UGT2A1: variants seen among roughly 807,000 people sequenced by gnomAD.
The protein encoded by UGT2A1 is UDP-glucuronosyltransferase 2A1.
A neutral mutation model predicts 45.4 loss-of-function variants in UGT2A1; 61 were observed. The observed-to-expected ratio is 1.34, with a 90% CI of 1.09 to 1.66. UGT2A1 has a LOEUF of 1.66. UGT2A1 is among the 40% of genes most tolerant of loss of function. The probability of loss-of-function intolerance (pLI) is 0.00; values close to 1 mark genes in which losing one functional copy is unlikely to be tolerated. For missense variants in UGT2A1, 649 were observed against 574.3 expected (o/e 1.13, Z -1.33); for synonymous variants, 229 against 196.2 (o/e 1.17, Z -1.40).
rs756887952 is a variant in UGT2A1 at position 69,647,556 on chromosome 4, C to T, written c.89G>A (p.Gly30Asp). ...TATCTTAACATTTAGCCAATGACTA[C>T]CTTCCATTGGCCAAATCAAAACATT... ...GGNVLIWPME[G>D]SHWLNVKIII... Residue 30 changes from glycine to aspartate, a missense_variant, in exon 2 of 7, where the codon GGT becomes GAT. Transcript: ENST00000286604. 8 of 1,612,230 alleles carry T rather than the reference C, an allele frequency of 5.0e-6. No homozygotes were observed. The highest frequency in any genetic ancestry group is 6.8e-6 in the Non-Finnish European group (8 of 1,179,072).
intron 2 of UGT2A1, among the ~76,000 whole-genome samples, chr4:69,636,993 A>G (rs965875607): frequency 2.6e-5 from 4 of 152,136 alleles, no homozygotes; most frequent in African/African-American, 9.7e-5. Context: ...TAAGGTGTAT[A>G]GATTGTTAAC....
At chr4:69,624,449 C>T (rs1163619567) in intron 3 of UGT2A1, among the ~76,000 whole-genome samples, 1 of 151,298 alleles carries the variant, frequency 6.6e-6, no homozygotes, top group Non-Finnish European at 1.5e-5. Context: ...GTTGTGAGAA[C>T]TTTACATTTA....
intron 3 of UGT2A1, among the ~76,000 whole-genome samples, chr4:69,613,388 T>G (rs1363971668): frequency 6.6e-6 from 1 of 151,984 alleles, no homozygotes; most frequent in Non-Finnish European, 1.5e-5. Context: ...CTTTCACTGT[T>G]GAATTCTACC....
At chr4:69,630,533 C>A (rs1429505788) in intron 3 of UGT2A1, among the ~76,000 whole-genome samples, 1 of 152,030 alleles carries the variant, frequency 6.6e-6, no homozygotes, top group Non-Finnish European at 1.5e-5. Flanking sequence ...GTACTCTAAG[C>A]TACTACAAAT....
rs572566553 is a variant in UGT2A1 at position 69,630,525 on chromosome 4, A to T, written c.847+5166T>A. ...AGATTCAATGATATTTACACATTGT[A>T]CTCTAAGCTACTACAAATCACTGTG... On this transcript the variant is annotated intron_variant, in intron 3 of 6. Transcript: ENST00000286604. Among the ~76,000 whole-genome samples the T allele has an allele frequency of 2.6e-5, 4 of 152,190 alleles. No individual in the cohort carries two copies. In the South Asian group the frequency reaches 6.2e-4, roughly 24 times the overall value.
At chr4:69,594,370 G>T in intron 6 of UGT2A1, 107 bp downstream of exon 6, 1 of 1,397,244 alleles carries the variant, frequency 7.2e-7, no homozygotes, top group Non-Finnish European at 9.6e-7. Context: ...GTCAGGTTAT[G>T]GTTGTTATTG....
chr4:69,591,440 G>A (rs1718594055), intron 6 of UGT2A1, among the ~76,000 whole-genome samples: 1 of 152,152 alleles, frequency 6.6e-6, no homozygotes, highest in South Asian at 2.1e-4. Context: ...TCAAAGGGAA[G>A]GAATGCCTGG....
At position 69,599,337 on chromosome 4, in the gene UGT2A1, G is replaced by A; in HGVS notation, c.905C>T (p.Thr302Ile). The A allele has an allele frequency of 6.2e-7, 1 of 1,613,774 alleles. No individual in the cohort carries two copies. The highest frequency in any genetic ancestry group is 1.7e-5 in the Admixed American group (1 of 59,934). The change falls in exon 4 of 7, where the codon ACA becomes ATA. Residue 302 changes from threonine (T) to isoleucine (I), a missense_variant. By Grantham distance (89) the Thr-to-Ile change is moderately conservative. Coordinates refer to ENST00000286604, the MANE Select transcript of UGT2A1 (RefSeq NM_001252275.3). ...MGKAEIWLIRTYWDFEFPRPY... is the reference protein window; with the variant it reads ...MGKAEIWLIRIYWDFEFPRPY... The stretch of plus-strand genomic sequence containing the variant: ...ACGAGGAAATTCAAAATCCCAATAT[G>A]TTCGGATTAACCAAATTTCAGCTTT...
In UGT2A1 at chr4:69,589,291, C is replaced by A; in HGVS notation, c.*81G>T. 7.1e-7 allele frequency: 1 copy of A among 1,413,706 alleles called. No individual in the cohort carries two copies. Among genetic ancestry groups the A allele is most frequent in the Non-Finnish European group, 9.3e-7 (1 of 1,076,576 alleles). 87.6% of individuals were successfully genotyped at this position (1,413,706 alleles called of 1,614,324 possible). On this transcript the variant is annotated 3_prime_UTR_variant, in exon 7 of 7. Coordinates refer to ENST00000286604, the MANE Select transcript of UGT2A1 (RefSeq NM_001252275.3). ...TGGGAGACGTGTTTTTGTTAAACTCCTTTTGTCTGGAATTAATAGGACTAC... is the reference window on the plus strand; with the variant it reads ...TGGGAGACGTGTTTTTGTTAAACTCATTTTGTCTGGAATTAATAGGACTAC...
chr4:69,651,587 A>G (rs1722528258), intron 1 of UGT2A1, among the ~76,000 whole-genome samples: 1 of 152,200 alleles, frequency 6.6e-6, no homozygotes, highest in Non-Finnish European at 1.5e-5. Context: ...GGCATTAGGA[A>G]TGTCAGGTGA....
intron 3 of UGT2A1, among the ~76,000 whole-genome samples, chr4:69,622,734 A>G (rs1382524423): frequency 6.6e-6 from 1 of 151,748 alleles, no homozygotes; most frequent in Non-Finnish European, 1.5e-5. Flanking sequence ...TGATGCTGCT[A>G]TTGTCTAGCA....
intron 3 of UGT2A1, among the ~76,000 whole-genome samples, chr4:69,617,280 G>T (rs1295141561): frequency 6.6e-6 from 1 of 151,850 alleles, no homozygotes; most frequent in Non-Finnish European, 1.5e-5. Flanking sequence ...TTTAGGATCT[G>T]CTGCCCTCCT....
Position 69,606,973 on chromosome 4 carries a change from C to T in UGT2A1, c.848-7579G>A, listed in dbSNP as rs555504288. ...GCTCATGGGTAGGAAGAATCAATAT[C>T]GAGAAAATGGCCATACTGCCCAAGG... On this transcript the variant is annotated intron_variant, in intron 3 of 6. Transcript: ENST00000286604. 2.1e-4 allele frequency among the ~76,000 whole-genome samples: 28 copies of T among 136,186 alleles called. 6 individuals carry two copies. The East Asian group carries it at 4.5e-3, about 22-fold the overall frequency. The allele number at this position is 136,186 out of a possible 152,430, so 89.3% of individuals were successfully genotyped here. A position where few individuals can be genotyped will look rare whatever the true frequency, so the allele number is the denominator to read the frequency against.
intron 3 of UGT2A1, among the ~76,000 whole-genome samples, chr4:69,608,965 T>C (rs1438728480): frequency 2.0e-5 from 3 of 152,098 alleles, no homozygotes; most frequent in African/African-American, 4.8e-5. Flanking sequence ...TTTAATTTCA[T>C]AGTAGAAAAG....
intron 4 of UGT2A1, among the ~76,000 whole-genome samples, chr4:69,597,033 G>T (rs1718971625): frequency 6.6e-6 from 1 of 152,132 alleles, no homozygotes; most frequent in Admixed American, 6.5e-5. Context: ...AACAGTTTTT[G>T]GAGGGAAGCC....
chr4:69,649,419 T>C (rs746981363), intron 1 of UGT2A1, among the ~76,000 whole-genome samples: 1 of 152,106 alleles, frequency 6.6e-6, no homozygotes, highest in Non-Finnish European at 1.5e-5. Flanking sequence ...TTCACTAGGA[T>C]GTCATGATTC....
chr4:69,646,879 A>G (rs752398277), intron 2 of UGT2A1, 51 bp downstream of exon 2: 5 of 1,315,830 alleles, frequency 3.8e-6, no homozygotes, highest in Non-Finnish European at 5.2e-6. Flanking sequence ...GAGGCTCTAC[A>G]AAGGTCTGTT....
Position 69,595,231 on chromosome 4 carries a change from C to A in UGT2A1, c.1015G>T (p.Gly339Ter), listed in dbSNP as rs267600225. 6.2e-7 allele frequency: 1 copy of A among 1,613,672 alleles called. No individual in the cohort carries two copies. The highest frequency in any genetic ancestry group is 1.3e-5 in the African/African-American group (1 of 74,976). ...TTTCCTAATGTGGCTGGTTTCTTTC[C>A]TTTGTATCTCCATAAAACCTGTGGA... ...PLPKVLWRYK[G>*]KKPATLGNNT... The change falls in exon 5 of 7, where the codon GGA (glycine) becomes TGA (stop). Residue 339 changes from glycine to a stop codon, truncating the protein, a stop_gained. Coordinates refer to ENST00000286604, the MANE Select transcript of UGT2A1 (RefSeq NM_001252275.3). LOFTEE classifies it high-confidence loss of function.
chr4:69,605,070 C>A (rs1357975399), intron 3 of UGT2A1, among the ~76,000 whole-genome samples: 1 of 136,674 alleles, frequency 7.3e-6, no homozygotes, highest in Non-Finnish European at 1.6e-5. Flanking sequence ...ACCAAGTAGA[C>A]CTAATACACA....
Sources: allele counts gnomAD v4.1 joint callset (sites outside exome capture counted in the v4.1 genomes callset), GRCh38; gene constraint gnomAD v4.1.1; transcripts MANE v1.5; gene names NCBI Gene and HGNC (gene_info 2026-07-23, HGNC 2026-07-21).